HRH2: variants seen among roughly 807,000 people sequenced by gnomAD.
HRH2 encodes the protein histamine H2 receptor.
HRH2 carries 4 observed loss-of-function variants against 20.1 expected under a neutral mutation model. The ratio of observed to expected loss-of-function variants is 0.20; its 90% CI spans 0.10 to 0.45. The LOEUF (loss-of-function observed/expected upper bound fraction) is 0.45, where lower values mean the gene tolerates loss of function less well. Ranked by LOEUF, HRH2 falls within the 20% of genes least tolerant of loss-of-function variation. The pLI, the probability that HRH2 is intolerant of heterozygous loss-of-function variation, is 0.99. For synonymous variants in HRH2, 197 were observed against 200.7 expected (o/e 0.98, Z 0.16); for missense variants, 250 against 461.6 (o/e 0.54, Z 4.20).
intron 2 of HRH2, among the ~76,000 whole-genome samples, chr5:175,702,798 G>A (rs1028035192): frequency 4.7e-5 from 7 of 147,644 alleles, no homozygotes; most frequent in African/African-American, 1.5e-4. Context: ...TGGATCTCCT[G>A]ACCTCAGATC....
chr5:175,666,318 A>G (rs1339437581), intron 1 of HRH2, among the ~76,000 whole-genome samples: 7 of 152,178 alleles, frequency 4.6e-5, no homozygotes, highest in Admixed American at 3.9e-4. Flanking sequence ...GGCTCTCTGG[A>G]AGCCCTGCCA....
Position 175,687,108 on chromosome 5 carries a change from C to A in HRH2, c.1076+2799C>A, listed in dbSNP as rs770512391. 6.6e-6 allele frequency among the ~76,000 whole-genome samples: 1 copy of A among 152,168 alleles called. No individual in the cohort carries two copies. The highest frequency in any genetic ancestry group is 2.4e-5 in the African/African-American group (1 of 41,434). On this transcript the variant is annotated intron_variant, in intron 2 of 2. Coordinates refer to ENST00000636584, the MANE Select transcript of HRH2 (RefSeq NM_001367711.1). The surrounding 1 kb of genome is among the most constrained non-coding windows in gnomAD (Gnocchi z 5.2). ...ATCACGGCTATGGTCTGTCCTCCAG[C>A]CCCCAGGAGCAGGGGCAGAGGGCTT...
At chr5:175,690,776 C>A (rs940244861) in intron 2 of HRH2, among the ~76,000 whole-genome samples, 3 of 152,210 alleles carry the variant, frequency 2.0e-5, no homozygotes, top group African/African-American at 7.2e-5. Context: ...CTATTCCCTG[C>A]ACCTTCACAC....
chr5:175,708,254 A>G lies in HRH2; in HGVS notation c.*283A>G, dbSNP rs1757005194. 3.2e-6 allele frequency: 1 copy of G among 314,720 alleles called. No homozygotes were observed. The highest frequency in any genetic ancestry group is 5.0e-5 in the East Asian group (1 of 20,004). 19.5% of individuals were successfully genotyped at this position (314,720 alleles called of 1,614,324 possible). On this transcript the variant is annotated 3_prime_UTR_variant, in exon 3 of 3. Coordinates refer to ENST00000636584, the MANE Select transcript of HRH2 (RefSeq NM_001367711.1). ...TGCTGGCCCTGGGAGTCATGAGCAG[A>G]GACGGTGGGACAGACGGGGATGCGT...
intron 2 of HRH2, among the ~76,000 whole-genome samples, chr5:175,702,153 T>C (rs2113560477): frequency 6.6e-6 from 1 of 152,208 alleles, no homozygotes; most frequent in East Asian, 1.9e-4. Context: ...TAAATATGCA[T>C]GTCAAAATGC....
rs1756089157 is a variant in HRH2, at chr5:175,684,244, GA to G, written c.1014del (p.Lys338AsnfsTer3). On this transcript the variant is annotated frameshift_variant, in exon 2 of 3. Transcript: ENST00000636584. LOFTEE classifies it high-confidence loss of function. ...GCCGAGAACCCAGGCAACAGGAAGA[GA>G]AACCCCTGAAGCTCCAGGTGTGGAG... Reference protein sequence around the residue: ...QSREPRQQEEKPLKLQVWSGT... With the variant: ...QSREPRQQEEXPLKLQVWSGT... 1.2e-6 allele frequency: 2 copies of G among 1,614,204 alleles called. No individual in the cohort carries two copies. Among genetic ancestry groups the G allele is most frequent in the Non-Finnish European group, 8.5e-7 (1 of 1,180,028 alleles).
intron 2 of HRH2, among the ~76,000 whole-genome samples, chr5:175,706,267 C>T (rs989047498): frequency 6.6e-6 from 1 of 152,098 alleles, no homozygotes; most frequent in Non-Finnish European, 1.5e-5. Context: ...TTTTATATAG[C>T]GTCTCTTTGG....
At chr5:175,706,852 G>T (rs1249981929) in intron 2 of HRH2, among the ~76,000 whole-genome samples, 1 of 152,220 alleles carries the variant, frequency 6.6e-6, no homozygotes, top group East Asian at 1.9e-4. Context: ...GACGCTAAAG[G>T]CATGACGGTT....
chr5:175,689,979 G>A (rs1756306964), intron 2 of HRH2, among the ~76,000 whole-genome samples: 1 of 152,226 alleles, frequency 6.6e-6, no homozygotes, highest in African/African-American at 2.4e-5. Context: ...GCAACCATGT[G>A]TCTGATACAC....
intron 1 of HRH2, among the ~76,000 whole-genome samples, chr5:175,673,375 G>C (rs969085842): frequency 6.6e-6 from 1 of 151,524 alleles, no homozygotes; most frequent in African/African-American, 2.4e-5. Context: ...GTGTTTGGAG[G>C]CTGGGGAGGA....
intron 2 of HRH2, among the ~76,000 whole-genome samples, chr5:175,695,695 C>T (rs144766064): frequency 1.6e-4 from 24 of 152,342 alleles, no homozygotes; most frequent in African/African-American, 5.5e-4. Context: ...TTCCTCGAAC[C>T]CACATCAGCA....
rs374755012 is a variant in HRH2, at chr5:175,707,892, C to T, written c.1190C>T (p.Ser397Leu). The change falls in exon 3 of 3, where the codon TCG becomes TTG. Residue 397 changes from serine to leucine, a missense_variant. This residue lies in a region of HRH2 where 55 missense variants were observed against 66.9 expected (regional missense o/e 0.82). Transcript: ENST00000636584. Reference protein sequence around the residue: ...RHMGGPSEELSGEPLSEEPQK... With the variant: ...RHMGGPSEELLGEPLSEEPQK... ...ATGGGAGGCCCCTCGGAGGAGCTATCGGGGGAGCCACTGTCTGAGGAGCCA... is the reference window on the plus strand; with the variant it reads ...ATGGGAGGCCCCTCGGAGGAGCTATTGGGGGAGCCACTGTCTGAGGAGCCA... The T allele has an allele frequency of 1.4e-4, 55 of 399,198 alleles. No homozygotes were observed. Among genetic ancestry groups the T allele is most frequent in the East Asian group, 1.2e-3 (33 of 28,068 alleles). 24.7% of individuals were successfully genotyped at this position (399,198 alleles called of 1,614,324 possible).
chr5:175,697,413 G>C (rs537347711), intron 2 of HRH2, among the ~76,000 whole-genome samples: 1 of 150,186 alleles, frequency 6.7e-6, no homozygotes, highest in African/African-American at 2.5e-5. Flanking sequence ...CAGTGAGCCG[G>C]GATAGCGCCA....
chr5:175,688,347 G>C (rs1014005214), intron 2 of HRH2, among the ~76,000 whole-genome samples: 1 of 152,132 alleles, frequency 6.6e-6, no homozygotes, highest in African/African-American at 2.4e-5. Flanking sequence ...TCCTGATTTG[G>C]TCCCTGCCCC....
intron 2 of HRH2, among the ~76,000 whole-genome samples, chr5:175,696,595 C>T (rs1228847582): frequency 1.3e-5 from 2 of 152,248 alleles, no homozygotes; most frequent in Admixed American, 6.5e-5. Context: ...CTCCTCCATG[C>T]ACACTCTTGC....
chr5:175,673,527 G>A (rs1290450453), intron 1 of HRH2, among the ~76,000 whole-genome samples: 1 of 152,150 alleles, frequency 6.6e-6, no homozygotes, highest in Non-Finnish European at 1.5e-5. Flanking sequence ...TAGGGAAAGG[G>A]AGGAAGCAGG....
rs1209215357 is a variant in HRH2, at chr5:175,683,638, C to G, written c.405C>G (p.Val135=). 1 of 1,614,034 alleles carries G rather than the reference C, an allele frequency of 6.2e-7. No individual in the cohort carries two copies. Among genetic ancestry groups the G allele is most frequent in the Non-Finnish European group, 8.5e-7 (1 of 1,180,040 alleles). ...RYPVLVTPVR[V]AISLVLIWVI... ...CTGTGCTGGTCACCCCAGTTCGGGT[C>G]GCCATCTCTCTGGTCTTAATTTGGG... Residue 135 remains valine, a synonymous_variant, in exon 2 of 3, where the codon GTC becomes GTG. Coordinates refer to ENST00000636584, the MANE Select transcript of HRH2 (RefSeq NM_001367711.1).
At chr5:175,676,247 AC>A (rs1755756139) in intron 1 of HRH2, among the ~76,000 whole-genome samples, 1 of 152,238 alleles carries the variant, frequency 6.6e-6, no homozygotes, top group South Asian at 2.1e-4. Context: ...GGTTTTCCAG[AC>A]CCAAGAAAAT....
intron 2 of HRH2, among the ~76,000 whole-genome samples, chr5:175,697,255 A>G (rs1161025867): frequency 6.6e-6 from 1 of 152,018 alleles, no homozygotes; most frequent in African/African-American, 2.4e-5. Context: ...CGAGGTCAGG[A>G]GATCGAGACC....
Sources: allele counts gnomAD v4.1 joint callset (sites outside exome capture counted in the v4.1 genomes callset), GRCh38; gene constraint gnomAD v4.1.1; regional missense constraint gnomAD v4.1.1; non-coding constraint Gnocchi (gnomAD v3.1); transcripts MANE v1.5; gene names NCBI Gene and HGNC (gene_info 2026-07-23, HGNC 2026-07-21).